LRBA: variants seen among roughly 807,000 people sequenced by gnomAD.
LRBA encodes the protein lipopolysaccharide-responsive and beige-like anchor protein.
A neutral mutation model predicts 330.0 loss-of-function variants in LRBA; 176 were observed. The observed-to-expected ratio is 0.53, with a 90% confidence interval of 0.47 to 0.60. The LOEUF is 0.60. Ranked by LOEUF, LRBA falls within the 20% of genes least tolerant of loss-of-function variation. The pLI is 0.00. For missense variants in LRBA, 3,259 were observed against 3,444.8 expected (o/e 0.95, Z 1.35); for synonymous variants, 1,230 against 1,193.0 (o/e 1.03, Z -0.64).
At chr4:150,648,158 C>CAAAAAAAAAAAAAAAAAAAAAAAACAAAA in intron 37 of LRBA, among the ~76,000 whole-genome samples, 1 of 18,100 alleles carries the variant, frequency 5.5e-5, no homozygotes, top group Non-Finnish European at 1.8e-4. Flanking sequence ...ACACAAGTAG[C>CAAAAAAAAAAAAAAAAAAAAAAAACAAAA]AAAAAAAAAA....
intron 30 of LRBA, among the ~76,000 whole-genome samples, chr4:150,819,189 G>T (rs1036581110): frequency 2.1e-5 from 3 of 144,606 alleles, no homozygotes; most frequent in Non-Finnish European, 3.1e-5. Flanking sequence ...TACTTTATGG[G>T]TTTTTTTTTT....
chr4:150,936,049 CA>C (rs879800495), intron 2 of LRBA, among the ~76,000 whole-genome samples: 6 of 139,612 alleles, frequency 4.3e-5, no homozygotes, highest in African/African-American at 5.3e-5. Flanking sequence ...AGTCAATTCA[CA>C]AAAAAAAAAT....
At position 150,514,595 on chromosome 4, in the gene LRBA, T is replaced by A. The variant is rs190351533; in HGVS notation, c.6331-23560A>T. Among the ~76,000 whole-genome samples the A allele has an allele frequency of 2.7e-3, 413 of 152,248 alleles. 2 individuals are homozygous for A. The highest frequency in any genetic ancestry group is 4.4e-3 in the Non-Finnish European group (297 of 68,014). Reference sequence around the variant, plus strand: ...TCTCTAATAGAGCTGGTGTGTTTCATTGGACCGGAACACTTTCCTTCTGTG... The same window carrying A: ...TCTCTAATAGAGCTGGTGTGTTTCAATGGACCGGAACACTTTCCTTCTGTG... On this transcript the variant is annotated intron_variant, in intron 40 of 56. Transcript: ENST00000651943.
chr4:150,808,520 A>C, intron 31 of LRBA, 122 bp from the exon 32 acceptor site: 1 of 589,672 alleles, frequency 1.7e-6, no homozygotes, highest in Non-Finnish European at 3.0e-6. Flanking sequence ...GTCCATTACT[A>C]TTTGGATAAC....
rs144676805 is a variant in LRBA at position 150,915,268 on chromosome 4, G to T, written c.1014+340C>A. Among the ~76,000 whole-genome samples, 998 of 152,140 alleles carry T rather than the reference G, an allele frequency of 6.6e-3. 13 individuals are homozygous for T. The highest frequency in any genetic ancestry group is 0.019 in the African/African-American group (803 of 41,550). ...CTATAGCAGTTAGAATTATATGCAA[G>T]ATTTATAAGCATGCATCATTTAACT... On this transcript the variant is annotated intron_variant, in intron 8 of 56. Coordinates refer to ENST00000651943, the MANE Select transcript of LRBA (RefSeq NM_001364905.1).
At chr4:150,368,844 C>T (rs191623011) in intron 47 of LRBA, among the ~76,000 whole-genome samples, 1 of 152,316 alleles carries the variant, frequency 6.6e-6, no homozygotes, top group East Asian at 1.9e-4. Context: ...TTCTCTTCCT[C>T]TCACTCATGT....
chr4:150,523,090 G>T (rs1421513752), intron 40 of LRBA, among the ~76,000 whole-genome samples: 1 of 152,214 alleles, frequency 6.6e-6, no homozygotes, highest in African/African-American at 2.4e-5. Flanking sequence ...GTCTGACTTG[G>T]ATGGCATCTA....
chr4:150,995,116 C>T (rs754855236), intron 2 of LRBA, among the ~76,000 whole-genome samples: 21 of 150,792 alleles, frequency 1.4e-4, no homozygotes, highest in South Asian at 2.1e-4. Flanking sequence ...AGAGAAAAAA[C>T]GAAGTCACCC....
intron 37 of LRBA, among the ~76,000 whole-genome samples, chr4:150,613,296 A>G (rs13122169): frequency 0.038 from 5,757 of 152,288 alleles, 146 homozygotes; most frequent in Middle Eastern, 0.065. Context: ...CAATATATGC[A>G]AAAGGTACCT....
At position 150,775,452 on chromosome 4, in the gene LRBA, AACACACACACAC is replaced by A. The variant is rs200525703; in HGVS notation, c.5581-13617_5581-13606del. Among the ~76,000 whole-genome samples the A allele has an allele frequency of 2.9e-3, 100 of 33,948 alleles. 1 individual carries two copies. Among genetic ancestry groups the A allele is most frequent in the African/African-American group, 4.0e-3 (77 of 19,480 alleles). The allele number at this position is 33,948 out of a possible 152,430, so 22.3% of individuals were successfully genotyped here. Reference sequence around the variant, plus strand: ...ATTTCTAAAAGGAAGTCTGCAATGGAACACACACACACACACACACACACACACACACACACA... The same window carrying A: ...ATTTCTAAAAGGAAGTCTGCAATGGAACACACACACACACACACACACACA... On this transcript the variant is annotated intron_variant, in intron 34 of 56. Transcript: ENST00000651943.
chr4:151,009,400 T>A lies in LRBA; in HGVS notation c.216+5027A>T, dbSNP rs1482622870. On this transcript the variant is annotated intron_variant, in intron 2 of 56. Coordinates refer to ENST00000651943, the MANE Select transcript of LRBA (RefSeq NM_001364905.1). ...CCCGTCTCTACTAAAAATACAATAA[T>A]TAGCTGGGTGTGGTGGCACACGCCT... 6.9e-4 allele frequency among the ~76,000 whole-genome samples: 104 copies of A among 151,820 alleles called. 1 individual carries two copies. The highest frequency in any genetic ancestry group is 7.4e-5 in the Non-Finnish European group (5 of 67,944).
intron 2 of LRBA, among the ~76,000 whole-genome samples, chr4:150,935,038 T>C (rs1579252546): frequency 7.0e-6 from 1 of 143,310 alleles, no homozygotes; most frequent in Non-Finnish European, 1.5e-5. Flanking sequence ...TAGCCAGGTG[T>C]GGTGGTGCAT....
At chr4:150,511,690 A>C (rs1010216973) in intron 40 of LRBA, among the ~76,000 whole-genome samples, 2 of 152,226 alleles carry the variant, frequency 1.3e-5, no homozygotes, top group African/African-American at 4.8e-5. Flanking sequence ...CAATTCAGTT[A>C]TTTCAGCTAA....
intron 37 of LRBA, among the ~76,000 whole-genome samples, chr4:150,608,909 A>G (rs1774944152): frequency 6.6e-6 from 1 of 152,218 alleles, no homozygotes; most frequent in South Asian, 2.1e-4. Context: ...TTTGAGGTTC[A>G]TCTATGTTGT....
chr4:150,471,794 A>G, intron 42 of LRBA, 55 bp from the exon 43 acceptor site: 2 of 841,550 alleles, frequency 2.4e-6, no homozygotes, highest in Non-Finnish European at 4.0e-6. Flanking sequence ...ATAATAAATC[A>G]TGAATTATCT....
intron 28 of LRBA, among the ~76,000 whole-genome samples, chr4:150,838,859 G>A (rs988200920): frequency 6.6e-6 from 1 of 152,206 alleles, no homozygotes; most frequent in African/African-American, 2.4e-5. Context: ...TTTGGAGGGG[G>A]AGAGGTGCTC....
intron 33 of LRBA, among the ~76,000 whole-genome samples, chr4:150,801,623 C>T (rs1741623436): frequency 6.6e-6 from 1 of 152,154 alleles, no homozygotes; most frequent in African/African-American, 2.4e-5. Context: ...AACTGTGGTA[C>T]ATAATCATCC....
chr4:150,778,495 T>C (rs1737732275), intron 34 of LRBA, among the ~76,000 whole-genome samples: 1 of 152,182 alleles, frequency 6.6e-6, no homozygotes, highest in East Asian at 1.9e-4. Context: ...GCACATGAAA[T>C]ATTAATATAT....
At chr4:150,414,082 A>C (rs552056176) in intron 47 of LRBA, among the ~76,000 whole-genome samples, 1 of 152,322 alleles carries the variant, frequency 6.6e-6, no homozygotes, top group South Asian at 2.1e-4. Context: ...GCCTACTATA[A>C]GCCAGATAAT....
Sources: allele counts gnomAD v4.1 joint callset (sites outside exome capture counted in the v4.1 genomes callset), GRCh38; gene constraint gnomAD v4.1.1; transcripts MANE v1.5; gene names NCBI Gene and HGNC (gene_info 2026-07-23, HGNC 2026-07-21).